Variants in MACROD2 observed in about 807,000 individuals in gnomAD.
MACROD2 encodes the protein mono-ADP ribosylhydrolase 2, also known as ADP-ribose glycohydrolase MACROD2.
In MACROD2, 36 loss-of-function variants were observed where a neutral mutation model predicts 70.4. That is an observed-to-expected ratio of 0.51 (90% CI 0.39 to 0.68). MACROD2 has a LOEUF of 0.68. Among genes scored for constraint, MACROD2 ranks in the 30% least tolerant of loss-of-function variants. The probability of loss-of-function intolerance (pLI) is 0.00; values close to 1 mark genes in which losing one functional copy is unlikely to be tolerated. For missense variants in MACROD2, 496 were observed against 538.4 expected, an observed-to-expected ratio of 0.92 and a Z score of 0.78; for synonymous variants, 172 against 178.8, an observed-to-expected ratio of 0.96 and a Z score of 0.30.
At position 14,654,664 on chromosome 20, in the gene MACROD2, T is replaced by A. The variant is rs534023778; in HGVS notation, c.302-30179T>A. 2.3e-4 allele frequency among the ~76,000 whole-genome samples: 35 copies of A among 152,306 alleles called. No homozygotes were observed. The South Asian group carries it at 6.6e-3, about 29-fold the overall frequency. ...GCACTAATTTTTCTGCCTTTTAAAA[T>A]ACAATTTTCTGACACCTATTTTGGT... is the stretch of plus-strand genomic sequence containing the variant. On this transcript the variant is annotated intron_variant, in intron 4 of 17. Coordinates refer to ENST00000684519, the MANE Select transcript of MACROD2 (RefSeq NM_001351661.2).
intron 15 of MACROD2, among the ~76,000 whole-genome samples, chr20:16,015,297 C>T (rs940748807): frequency 3.3e-5 from 5 of 152,110 alleles, no homozygotes; most frequent in Non-Finnish European, 7.4e-5. Flanking sequence ...GAAGTAACAT[C>T]CTGAGTAGTG....
At chr20:14,166,368 T>C (rs2055270651) in intron 3 of MACROD2, among the ~76,000 whole-genome samples, 1 of 151,960 alleles carries the variant, frequency 6.6e-6, no homozygotes, top group Non-Finnish European at 1.5e-5. Context: ...TATACTTGCA[T>C]CTGTTTCTTC....
intron 2 of MACROD2, among the ~76,000 whole-genome samples, chr20:14,056,980 CATAAT>C (rs2053637485): frequency 6.6e-6 from 1 of 151,984 alleles, no homozygotes; most frequent in Admixed American, 6.5e-5. Flanking sequence ...TTGATATCTT[CATAAT>C]ATATTTTATT....
chr20:15,955,590 C>A (rs1318814974), intron 12 of MACROD2, among the ~76,000 whole-genome samples: 1 of 152,080 alleles, frequency 6.6e-6, no homozygotes, highest in Non-Finnish European at 1.5e-5. Context: ...TTCAAATAAA[C>A]ACGTATTTAA....
At chr20:14,295,984 C>T (rs951919295) in intron 3 of MACROD2, among the ~76,000 whole-genome samples, 4 of 151,922 alleles carry the variant, frequency 2.6e-5, no homozygotes, top group South Asian at 4.1e-4. Flanking sequence ...ACTTGCACAT[C>T]AATAGAGTAG....
chr20:14,378,924 C>G (rs1034448755), intron 3 of MACROD2, among the ~76,000 whole-genome samples: 2 of 152,158 alleles, frequency 1.3e-5, no homozygotes, highest in Non-Finnish European at 2.9e-5. Context: ...AGACAAATTC[C>G]ATGCCTCTCA....
At chr20:15,036,803 C>T (rs747774989) in intron 5 of MACROD2, among the ~76,000 whole-genome samples, 9 of 151,860 alleles carry the variant, frequency 5.9e-5, no homozygotes, top group Admixed American at 3.9e-4. Context: ...TTCATTAGCA[C>T]GAACTGTACA....
intron 8 of MACROD2, among the ~76,000 whole-genome samples, chr20:15,539,415 A>T (rs759294693): frequency 2.0e-5 from 3 of 152,192 alleles, no homozygotes; most frequent in Non-Finnish European, 4.4e-5. Context: ...TATCACATGA[A>T]ACGGGCCAAG....
intron 8 of MACROD2, among the ~76,000 whole-genome samples, chr20:15,762,278 G>A (rs565308866): frequency 1.8e-4 from 28 of 152,262 alleles, no homozygotes; most frequent in African/African-American, 4.6e-4. Context: ...TCTTACTCAC[G>A]TGGAAAGTAA....
chr20:15,100,858 A>G (rs950992910), intron 5 of MACROD2, among the ~76,000 whole-genome samples: 8 of 152,184 alleles, frequency 5.3e-5, no homozygotes, highest in Non-Finnish European at 7.4e-5. Flanking sequence ...TGAAATGAGA[A>G]CTGACTTTCC....
intron 8 of MACROD2, among the ~76,000 whole-genome samples, chr20:15,615,613 C>T (rs1397025311): frequency 6.6e-6 from 1 of 152,098 alleles, no homozygotes; most frequent in Non-Finnish European, 1.5e-5. Context: ...GCAGAAGAGG[C>T]CAGCCAAGAA....
intron 4 of MACROD2, among the ~76,000 whole-genome samples, chr20:14,551,081 G>A (rs1386864865): frequency 6.6e-6 from 1 of 151,816 alleles, no homozygotes; most frequent in African/African-American, 2.4e-5. Flanking sequence ...TAATAGGTTT[G>A]GATGAGTAAC....
chr20:14,246,840 G>C (rs1053484866), intron 3 of MACROD2, among the ~76,000 whole-genome samples: 10 of 152,112 alleles, frequency 6.6e-5, no homozygotes, highest in Middle Eastern at 3.4e-3. Flanking sequence ...TCCATTTGCC[G>C]CTACAAAGTA....
intron 5 of MACROD2, among the ~76,000 whole-genome samples, chr20:15,082,317 AC>A (rs1806652129): frequency 6.6e-6 from 1 of 151,984 alleles, no homozygotes; most frequent in Admixed American, 6.6e-5. Flanking sequence ...ACAAACAAAA[AC>A]TTTTATATGG....
chr20:14,862,856 C>G (rs1243885842), intron 5 of MACROD2, among the ~76,000 whole-genome samples: 1 of 148,672 alleles, frequency 6.7e-6, no homozygotes, highest in African/African-American at 2.5e-5. Flanking sequence ...AGTTGGCATA[C>G]CTACTGTAGT....
intron 5 of MACROD2, among the ~76,000 whole-genome samples, chr20:14,979,110 C>A (rs1478944710): frequency 1.3e-5 from 1 of 76,106 alleles, no homozygotes; most frequent in Non-Finnish European, 2.5e-5. Context: ...CACCACCATA[C>A]CCAGCTAATT....
intron 8 of MACROD2, among the ~76,000 whole-genome samples, chr20:15,535,122 G>A (rs891191851): frequency 6.6e-6 from 1 of 152,056 alleles, no homozygotes; most frequent in Admixed American, 6.6e-5. Context: ...ACAACAGGCA[G>A]GTGCCACTGT....
intron 6 of MACROD2, among the ~76,000 whole-genome samples, chr20:15,302,133 A>G (rs912303525): frequency 1.3e-5 from 2 of 152,116 alleles, no homozygotes; most frequent in African/African-American, 4.8e-5. Flanking sequence ...AAAGGGCTCA[A>G]TTGAAACCTG....
intron 2 of MACROD2, among the ~76,000 whole-genome samples, chr20:14,027,954 C>T (rs1007222612): frequency 7.2e-5 from 11 of 152,180 alleles, no homozygotes; most frequent in African/African-American, 9.7e-5. Context: ...CTGGGAGATC[C>T]GCTGCTCTCT....
Sources: allele counts gnomAD v4.1 joint callset (sites outside exome capture counted in the v4.1 genomes callset), GRCh38; gene constraint gnomAD v4.1.1; transcripts MANE v1.5; gene names NCBI Gene and HGNC (gene_info 2026-07-23, HGNC 2026-07-21).